Variants in RGP1 observed in about 807,000 individuals in gnomAD.
RGP1 encodes the protein RGP1 partner of RAB6A GEF complex.
In RGP1, 28 loss-of-function variants were observed where a neutral mutation model predicts 44.5. That is an observed-to-expected ratio of 0.63 (90% confidence interval 0.47 to 0.86). RGP1 has a LOEUF of 0.86. Among genes scored for constraint, RGP1 ranks in the 40% least tolerant of loss-of-function variants. The pLI is 0.00. For synonymous variants in RGP1, 212 were observed against 196.7 expected (o/e 1.08, Z -0.65); for missense variants, 417 against 490.7 (o/e 0.85, Z 1.42).
Position 35,752,937 on chromosome 9 carries a change from G to C in RGP1, c.*63G>C, listed in dbSNP as rs1827293171. On this transcript the variant is annotated 3_prime_UTR_variant, in exon 9 of 9. Coordinates refer to ENST00000378078, the MANE Select transcript of RGP1 (RefSeq NM_001080496.3). ...GAGAACTCAGCACCTGGACTCTAAT[G>C]GGACCCACTTTTTCCACCTGGGGTC... 3 of 1,564,510 alleles carry C rather than the reference G, an allele frequency of 1.9e-6. No individual in the cohort carries two copies. Among genetic ancestry groups the C allele is most frequent in the Admixed American group, 1.8e-5 (1 of 56,092 alleles).
chr9:35,764,942 A>G, the RGP1 span, among the ~76,000 whole-genome samples: 1 of 152,130 alleles, frequency 6.6e-6, no homozygotes, highest in Non-Finnish European at 1.5e-5. Context: ...CCTGGCCAAC[A>G]TGGTGAAATC....
Position 35,751,665 on chromosome 9 carries a change from A to G in RGP1, c.673A>G (p.Thr225Ala), listed in dbSNP as rs1226379709. Residue 225 changes from threonine to alanine, a missense_variant, in exon 7 of 9, where the codon ACG becomes GCG. Thr to Ala is a moderately conservative substitution (Grantham distance 58, BLOSUM62 0). Transcript: ENST00000378078. The part of the protein sequence containing the change: ...NISDGRGKVG[T>A]FGIFKSVYRL... ...CAGTGATGGCCGAGGGAAAGTTGGG[A>G]CGTTTGGCATCTTCAAATCTGTGTA... The G allele has an allele frequency of 7.4e-6, 12 of 1,613,830 alleles. No individual in the cohort carries two copies. The highest frequency in any genetic ancestry group is 1.6e-4 in the Middle Eastern group (1 of 6,084).
the RGP1 span, among the ~76,000 whole-genome samples, chr9:35,789,031 T>C: frequency 6.6e-6 from 1 of 152,186 alleles, no homozygotes; most frequent in Non-Finnish European, 1.5e-5. Flanking sequence ...TTCCTTTCTT[T>C]CTTTCTTTTT....
chr9:35,773,609 C>A, the RGP1 span, among the ~76,000 whole-genome samples: 1 of 151,834 alleles, frequency 6.6e-6, no homozygotes, highest in African/African-American at 2.4e-5. Flanking sequence ...TCAAGCGATT[C>A]TCCTGCCACA....
chr9:35,789,713 CAGAG>C, the RGP1 span, among the ~76,000 whole-genome samples: 1 of 151,462 alleles, frequency 6.6e-6, no homozygotes, highest in Non-Finnish European at 1.5e-5. Flanking sequence ...GCAGGTGTTC[CAGAG>C]AGACTTGCCT....
downstream of RGP1, chr9:35,758,668 G>A (rs962627107): frequency 6.6e-6 from 1 of 152,152 alleles, no homozygotes; most frequent in African/African-American, 2.4e-5. Flanking sequence ...TATTCCCAGT[G>A]GCCTTTGCCT....
rs372946361 is a variant in RGP1, at chr9:35,753,223, G to C, written c.*349G>C. ...ATTTTTGCACCAAGGAGAACTGGCA[G>C]GTTCCTGCCTCCTGACGTACCTCAC... On this transcript the variant is annotated 3_prime_UTR_variant, in exon 9 of 9. Transcript: ENST00000378078. The surrounding 1 kb of genome is among the most constrained non-coding windows in gnomAD (Gnocchi z 4.2). 4.3e-6 allele frequency: 7 copies of C among 1,614,208 alleles called. No homozygotes were observed. Among genetic ancestry groups the C allele is most frequent in the Non-Finnish European group, 5.1e-6 (6 of 1,180,022 alleles).
the RGP1 span, among the ~76,000 whole-genome samples, chr9:35,777,056 G>T: frequency 6.7e-6 from 1 of 149,212 alleles, no homozygotes; most frequent in South Asian, 2.1e-4. Flanking sequence ...TCTTGGGCCA[G>T]ATATACCCCA....
chr9:35,784,549 A>G, the RGP1 span, among the ~76,000 whole-genome samples: 6,030 of 152,182 alleles, frequency 0.04, 229 homozygotes, highest in African/African-American at 0.091. Flanking sequence ...TCTTGGGTTC[A>G]AGTGATTCTC....
the RGP1 span, among the ~76,000 whole-genome samples, chr9:35,781,575 A>G: frequency 3.5e-4 from 54 of 152,158 alleles, no homozygotes; most frequent in African/African-American, 1.2e-3. Context: ...TCCATGAGAG[A>G]AGGAATTTCA....
chr9:35,790,142 T>C, the RGP1 span: 2 of 144,086 alleles, frequency 1.4e-5, no homozygotes, highest in Non-Finnish European at 3.0e-5. Context: ...TTTTTTTTTT[T>C]TTGCCTTGGC....
chr9:35,785,172 T>C, the RGP1 span, among the ~76,000 whole-genome samples: 1 of 152,230 alleles, frequency 6.6e-6, no homozygotes, highest in Non-Finnish European at 1.5e-5. Context: ...ACAACTGTTG[T>C]GAGCACAGGT....
the RGP1 span, among the ~76,000 whole-genome samples, chr9:35,765,023 G>T: frequency 2.0e-5 from 3 of 152,024 alleles, no homozygotes; most frequent in African/African-American, 7.2e-5. Context: ...CTACTCAGGA[G>T]GCTGAGGCAG....
At chr9:35,776,821 T>C in the RGP1 span, among the ~76,000 whole-genome samples, 1 of 151,360 alleles carries the variant, frequency 6.6e-6, no homozygotes, top group Admixed American at 6.6e-5. Flanking sequence ...CGGTGAAACC[T>C]CGTCTCCACT....
At position 35,754,057 on chromosome 9, in the gene RGP1, T is replaced by C. The variant is rs1827320793; in HGVS notation, c.*1183T>C. On this transcript the variant is annotated 3_prime_UTR_variant, in exon 9 of 9. Transcript: ENST00000378078. ...CCTGGGTGCTGGAGGAGTAGAGACA[T>C]CACCAAGCAGATGATCCCCCAGCCT... 6.2e-7 allele frequency: 1 copy of C among 1,613,648 alleles called. No individual in the cohort carries two copies. The highest frequency in any genetic ancestry group is 1.3e-5 in the African/African-American group (1 of 74,844).
At chr9:35,759,567 CAAAAAAAAAAAAAA>C (rs57938702), downstream of RGP1, among the ~76,000 whole-genome samples, 761 of 38,368 alleles carry the variant, frequency 0.02, 16 homozygotes, top group African/African-American at 0.055. Flanking sequence ...ACCCTGTCTC[CAAAAAAAAAAAAAA>C]AAAAAAAAAA....
chr9:35,751,123 G>A, intron 5 of RGP1, 134 bp downstream of exon 5: 4 of 1,451,028 alleles, frequency 2.8e-6, no homozygotes, highest in Non-Finnish European at 3.8e-6. Context: ...TGGGAAGGGA[G>A]GGAGGGTTCT....
chr9:35,761,943 C>T (rs1436050409), downstream of RGP1, among the ~76,000 whole-genome samples: 1 of 152,092 alleles, frequency 6.6e-6, no homozygotes, highest in African/African-American at 2.4e-5. Context: ...CACTTGAGGT[C>T]AGGAGTTTGA....
Position 35,752,380 on chromosome 9 carries a change from G to A in RGP1, c.952+235G>A, listed in dbSNP as rs187593472. On this transcript the variant is annotated intron_variant, in intron 8 of 8. Transcript: ENST00000378078. ...CCCCACACCTACCTACTAGGACCCT[G>A]TGATACACTGATTTTTGATTACTTC... Among the ~76,000 whole-genome samples the A allele has an allele frequency of 2.2e-4, 33 of 152,288 alleles. 1 individual carries two copies. The East Asian group carries it at 6.2e-3, about 28-fold the overall frequency.
Sources: gnomAD v4.1 joint callset for allele counts (sites outside exome capture counted in the v4.1 genomes callset) on GRCh38, gnomAD v4.1.1 for gene constraint, Gnocchi (gnomAD v3.1) non-coding constraint, MANE v1.5 for transcripts, NCBI Gene and HGNC (gene_info 2026-07-23, HGNC 2026-07-21) for gene names.